The following NARS2 variants were observed in gnomAD, a reference collection of about 807,000 sequenced individuals.
NARS2 encodes the protein asparaginyl-tRNA synthetase 2, mitochondrial, also known as asparaginyl-tRNA synthetase.
Under a neutral mutation model 62.9 loss-of-function variants are expected in NARS2, and 60 were observed. The ratio of observed to expected loss-of-function variants is 0.95; its 90% CI spans 0.77 to 1.18. NARS2 has a LOEUF of 1.18. Ranked by LOEUF, NARS2 falls within the 50% of genes most tolerant of loss-of-function variation. NARS2 has a pLI of 0.00. For synonymous variants in NARS2, 196 were observed against 200.0 expected, an observed-to-expected ratio of 0.98 and a Z score of 0.17; for missense variants, 619 against 576.4, an observed-to-expected ratio of 1.07 and a Z score of -0.76.
intron 7 of NARS2, among the ~76,000 whole-genome samples, chr11:78,487,700 A>G (rs1385540992): frequency 6.6e-6 from 1 of 152,182 alleles, no homozygotes; most frequent in African/African-American, 2.4e-5. Flanking sequence ...TCTTGAAAGA[A>G]ACCGAGAAAA....
At chr11:78,538,986 A>C (rs1233227258) in intron 5 of NARS2, among the ~76,000 whole-genome samples, 3 of 109,820 alleles carry the variant, frequency 2.7e-5, no homozygotes, top group East Asian at 2.8e-4. Context: ...CAGAGCGAGA[A>C]TCCGTCTCAA....
intron 6 of NARS2, among the ~76,000 whole-genome samples, chr11:78,522,337 CCTAT>C (rs1330437278): frequency 2.2e-4 from 33 of 152,122 alleles, no homozygotes; most frequent in African/African-American, 7.5e-4. Context: ...GATAATGATA[CCTAT>C]CTAAGTGAAT....
chr11:78,477,036 T>C (rs145236206), intron 9 of NARS2, among the ~76,000 whole-genome samples: 2 of 152,318 alleles, frequency 1.3e-5, no homozygotes, highest in East Asian at 1.9e-4. Flanking sequence ...GCTACTGATG[T>C]ATGTAAATTT....
intron 12 of NARS2, among the ~76,000 whole-genome samples, chr11:78,441,603 C>T (rs1351281458): frequency 1.3e-5 from 2 of 151,494 alleles, no homozygotes; most frequent in Non-Finnish European, 2.9e-5. Context: ...CCCAGCTACT[C>T]GGGAAGCTGA....
intron 5 of NARS2, among the ~76,000 whole-genome samples, chr11:78,556,617 A>G (rs1042053161): frequency 1.3e-5 from 2 of 152,206 alleles, no homozygotes; most frequent in Admixed American, 1.3e-4. Context: ...TTTTCCATCT[A>G]TAAAACTAGC....
chr11:78,501,310 A>G (rs546285151), intron 6 of NARS2, among the ~76,000 whole-genome samples: 99 of 152,338 alleles, frequency 6.5e-4, no homozygotes, highest in African/African-American at 2.1e-3. Flanking sequence ...GCACTATCAC[A>G]TGCCATGAAG....
rs772547629 is a variant in NARS2, at chr11:78,478,579, A to G, written c.921+6T>C. 1 of 1,581,740 alleles carries G rather than the reference A, an allele frequency of 6.3e-7. No individual in the cohort carries two copies. The highest frequency in any genetic ancestry group is 8.7e-7 in the Non-Finnish European group (1 of 1,152,752). On this transcript the variant is annotated splice_donor_region_variant and intron_variant, in intron 8 of 13. Coordinates refer to ENST00000281038, the MANE Select transcript of NARS2 (RefSeq NM_024678.6). The stretch of plus-strand genomic sequence containing the variant: ...TGTATTGGGCTTTATCCATAAAACT[A>G]ATTACCTTTTGGCCAGGTGCTATGA...
intron 11 of NARS2, among the ~76,000 whole-genome samples, chr11:78,458,859 C>T (rs1858271349): frequency 6.6e-6 from 1 of 152,026 alleles, no homozygotes; most frequent in African/African-American, 2.4e-5. Context: ...GGGATATTTT[C>T]CCCATACTGT....
intron 9 of NARS2, among the ~76,000 whole-genome samples, chr11:78,477,135 A>G (rs1425998368): frequency 6.6e-6 from 1 of 152,174 alleles, no homozygotes; most frequent in Admixed American, 6.5e-5. Context: ...GAAAACTAAG[A>G]TCCTTCCCTG....
chr11:78,517,242 C>A (rs1398601824), intron 6 of NARS2, among the ~76,000 whole-genome samples: 2 of 152,136 alleles, frequency 1.3e-5, no homozygotes, highest in Admixed American at 6.5e-5. Context: ...TAAATCTCAT[C>A]TGACAAACAG....
intron 12 of NARS2, among the ~76,000 whole-genome samples, chr11:78,442,685 G>C (rs1015524330): frequency 1.3e-5 from 2 of 151,586 alleles, no homozygotes; most frequent in African/African-American, 4.9e-5. Context: ...AAACAGGTAT[G>C]GTTAGTTTAG....
chr11:78,510,065 C>G (rs1231206873), intron 6 of NARS2, among the ~76,000 whole-genome samples: 1 of 151,824 alleles, frequency 6.6e-6, no homozygotes, highest in Non-Finnish European at 1.5e-5. Flanking sequence ...ATGCAGAAAA[C>G]AAGGGACAAA....
At chr11:78,532,162 GA>G (rs1861503754) in intron 5 of NARS2, among the ~76,000 whole-genome samples, 1 of 152,048 alleles carries the variant, frequency 6.6e-6, no homozygotes, top group Non-Finnish European at 1.5e-5. Context: ...TAGTGATAAA[GA>G]AACAATACAA....
At chr11:78,477,914 C>G (rs1362199625) in intron 9 of NARS2, among the ~76,000 whole-genome samples, 1 of 151,972 alleles carries the variant, frequency 6.6e-6, no homozygotes, top group African/African-American at 2.4e-5. Context: ...ATCTCTCAAT[C>G]TCTCTCTCTA....
At position 78,449,581 on chromosome 11, in the gene NARS2, G is replaced by A. The variant is rs114027880; in HGVS notation, c.1165-5823C>T. Among the ~76,000 whole-genome samples the A allele has an allele frequency of 8.1e-3, 1,237 of 152,132 alleles. 15 individuals are homozygous for A. Among genetic ancestry groups the A allele is most frequent in the African/African-American group, 0.028 (1,156 of 41,492 alleles). ...GCTGCACTTAGTATAAAATTAAGGTGAAAGTTGTTGTATTAGTCAGGATAG... is the reference window on the plus strand; with the variant it reads ...GCTGCACTTAGTATAAAATTAAGGTAAAAGTTGTTGTATTAGTCAGGATAG... On this transcript the variant is annotated intron_variant, in intron 11 of 13. Transcript: ENST00000281038.
intron 5 of NARS2, among the ~76,000 whole-genome samples, chr11:78,533,983 A>AT (rs1861574698): frequency 2.0e-5 from 3 of 151,924 alleles, no homozygotes; most frequent in South Asian, 2.1e-4. Flanking sequence ...TTGATAGCTC[A>AT]TTTTTTTTCA....
At position 78,574,463 on chromosome 11, in the gene NARS2, C is replaced by T. The variant is rs114743209; in HGVS notation, c.26G>A (p.Arg9Gln). MLGVRCLL[R>Q]SVRFCSSAPF... Reference sequence around the variant, plus strand: ...GGCGGAGGAACAGAAGCGCACGGACCGCAGCAGGCAGCGGACCCCCAGCAT... The same window carrying T: ...GGCGGAGGAACAGAAGCGCACGGACTGCAGCAGGCAGCGGACCCCCAGCAT... Residue 9 changes from arginine (R) to glutamine (Q), a missense_variant, in exon 1 of 14, where the codon CGG becomes CAG. Physicochemically the swap from Arg to Gln is conservative, Grantham distance 43. Transcript: ENST00000281038. 28 of 1,613,408 alleles carry T rather than the reference C, an allele frequency of 1.7e-5. No homozygotes were observed. Among genetic ancestry groups the T allele is most frequent in the Non-Finnish European group, 2.2e-5 (26 of 1,179,794 alleles).
At chr11:78,551,394 T>C (rs1354212030) in intron 5 of NARS2, among the ~76,000 whole-genome samples, 1 of 152,162 alleles carries the variant, frequency 6.6e-6, no homozygotes. Flanking sequence ...TGTAAACATA[T>C]CTAAATATGG....
In NARS2 at chr11:78,574,818, A is replaced by G. The variant is rs1474656712; in HGVS notation, c.-330T>C. ...CAGAACCCGGGCCGCAACACGCGCAACCACTCCTACCACACCACGCCAACG... is the reference window on the plus strand; with the variant it reads ...CAGAACCCGGGCCGCAACACGCGCAGCCACTCCTACCACACCACGCCAACG... On this transcript the variant is annotated 5_prime_UTR_variant, in exon 1 of 14. Transcript: ENST00000281038. The G allele has an allele frequency of 1.1e-5, 3 of 285,122 alleles. No homozygotes were observed. The East Asian group carries it at 2.4e-4, about 22-fold the overall frequency. 17.7% of individuals were successfully genotyped at this position (285,122 alleles called of 1,614,324 possible).
Sources: gnomAD v4.1 joint callset for allele counts (sites outside exome capture counted in the v4.1 genomes callset) on GRCh38, gnomAD v4.1.1 for gene constraint, MANE v1.5 for transcripts, NCBI Gene and HGNC (gene_info 2026-07-23, HGNC 2026-07-21) for gene names.